Variants in LRMDA observed in about 807,000 individuals in gnomAD.
LRMDA encodes the protein leucine-rich melanocyte differentiation-associated protein.
In LRMDA, 18 loss-of-function variants were observed where a neutral mutation model predicts 29.8. That is an observed-to-expected ratio of 0.60 (90% CI 0.42 to 0.90). LRMDA has a LOEUF of 0.90. Ranked by LOEUF, LRMDA falls within the 40% of genes least tolerant of loss-of-function variation. LRMDA has a pLI of 0.00. For synonymous variants in LRMDA, 125 were observed against 109.4 expected (o/e 1.14, Z -0.89); for missense variants, 273 against 273.9 (o/e 1.00, Z 0.02).
At chr10:76,264,453 A>C (rs889165641) in intron 5 of LRMDA, among the ~76,000 whole-genome samples, 32 of 128,002 alleles carry the variant, frequency 2.5e-4, no homozygotes, top group East Asian at 4.8e-4. Context: ...AAAAAAAAAA[A>C]AAAACACGGA....
At chr10:75,600,650 T>A (rs1840871937) in intron 2 of LRMDA, among the ~76,000 whole-genome samples, 1 of 152,120 alleles carries the variant, frequency 6.6e-6, no homozygotes, top group African/African-American at 2.4e-5. Flanking sequence ...GCAGGGGTAG[T>A]GTGGGGTATA....
In LRMDA at chr10:75,945,568, C is replaced by T. The variant is rs973706145; in HGVS notation, c.132-90440C>T. Among the ~76,000 whole-genome samples the T allele has an allele frequency of 2.0e-5, 3 of 152,238 alleles. 1 individual carries two copies. In the East Asian group the frequency reaches 5.8e-4, roughly 29 times the overall value. On this transcript the variant is annotated intron_variant, in intron 2 of 6. Transcript: ENST00000611255. ...TCTGCTTTTGGTTTCTTTCCGGTACCCACATGTAGTAGTTTTTAGAATATT... is the reference window on the plus strand; with the variant it reads ...TCTGCTTTTGGTTTCTTTCCGGTACTCACATGTAGTAGTTTTTAGAATATT...
At position 76,521,207 on chromosome 10, in the gene LRMDA, C is replaced by T. The variant is rs185109390; in HGVS notation, c.602-36002C>T. Among the ~76,000 whole-genome samples the T allele has an allele frequency of 4.0e-5, 6 of 150,942 alleles. No homozygotes were observed. The East Asian group carries it at 9.8e-4, about 25-fold the overall frequency. On this transcript the variant is annotated intron_variant, in intron 6 of 6. Coordinates refer to ENST00000611255, the MANE Select transcript of LRMDA (RefSeq NM_001305581.2). ...GGAGTGCCGTGGCGCGATCTCGGCT[C>T]ACTGCAAGCTCCACCTCCCGGGTTC...
chr10:76,200,721 T>C (rs890670807), intron 5 of LRMDA, among the ~76,000 whole-genome samples: 8 of 151,274 alleles, frequency 5.3e-5, no homozygotes, highest in Admixed American at 6.6e-5. Flanking sequence ...TTTCTTTTTT[T>C]TTTTTTTCTT....
At position 75,493,348 on chromosome 10, in the gene LRMDA, G is replaced by GTGTGT. The variant is rs1774093324; in HGVS notation, c.131+54854_131+54855insTGTGT. Among the ~76,000 whole-genome samples the GTGTGT allele has an allele frequency of 3.3e-4, 44 of 133,350 alleles. 1 individual carries two copies. The highest frequency in any genetic ancestry group is 2.0e-3 in the East Asian group (9 of 4,508). 87.5% of individuals were successfully genotyped at this position (133,350 alleles called of 152,430 possible). On this transcript the variant is annotated intron_variant, in intron 2 of 6. Transcript: ENST00000611255. Reference sequence around the variant, plus strand: ...AGAGAGCCATAGAGGGTTGAGATTGGGTGTGTGTGTGTGTGTGTGTGTGTG... The same window carrying GTGTGT: ...AGAGAGCCATAGAGGGTTGAGATTGGTGTGTGTGTGTGTGTGTGTGTGTGTGTGTG...
intron 5 of LRMDA, among the ~76,000 whole-genome samples, chr10:76,272,881 T>C (rs1410739185): frequency 1.3e-5 from 2 of 152,142 alleles, no homozygotes; most frequent in Admixed American, 6.6e-5. Flanking sequence ...CATCAACTCT[T>C]ACGAGAACTC....
chr10:75,788,601 T>G (rs1445136781), intron 2 of LRMDA, among the ~76,000 whole-genome samples: 1 of 152,248 alleles, frequency 6.6e-6, no homozygotes, highest in African/African-American at 2.4e-5. Flanking sequence ...AAGCCGATTG[T>G]CTTGAGTTTG....
At chr10:76,187,452 A>G (rs1851169739) in intron 5 of LRMDA, among the ~76,000 whole-genome samples, 1 of 152,184 alleles carries the variant, frequency 6.6e-6, no homozygotes, top group Non-Finnish European at 1.5e-5. Context: ...GGGGAAAAAT[A>G]GTGGAGTCAG....
intron 2 of LRMDA, among the ~76,000 whole-genome samples, chr10:75,549,721 G>A (rs1019796258): frequency 1.1e-4 from 16 of 152,112 alleles, no homozygotes; most frequent in African/African-American, 3.6e-4. Context: ...ATACAGTCAT[G>A]TAACCACCAT....
chr10:76,503,618 G>A (rs1842932699), intron 6 of LRMDA, among the ~76,000 whole-genome samples: 1 of 151,606 alleles, frequency 6.6e-6, no homozygotes, highest in African/African-American at 2.4e-5. Context: ...TGTGCATCAA[G>A]TTGTTCATAA....
intron 6 of LRMDA, among the ~76,000 whole-genome samples, chr10:76,404,332 T>G (rs1841880422): frequency 6.6e-6 from 1 of 152,152 alleles, no homozygotes; most frequent in Non-Finnish European, 1.5e-5. Context: ...CATTTAGCAG[T>G]AATTTTTAAA....
At position 75,584,246 on chromosome 10, in the gene LRMDA, C is replaced by A. The variant is rs1004952965; in HGVS notation, c.131+145752C>A. Among the ~76,000 whole-genome samples, 13 of 152,220 alleles carry A rather than the reference C, an allele frequency of 8.5e-5. No homozygotes were observed. The East Asian group carries it at 9.7e-4, about 11-fold the overall frequency. Reference sequence around the variant, plus strand: ...CTGCCTGCATCTTCACTTGACTGGCCAGTTTCTACTCATTCCTCATGGCAT... The same window carrying A: ...CTGCCTGCATCTTCACTTGACTGGCAAGTTTCTACTCATTCCTCATGGCAT... On this transcript the variant is annotated intron_variant, in intron 2 of 6. Transcript: ENST00000611255.
At chr10:76,548,369 T>A (rs1179089610) in intron 6 of LRMDA, among the ~76,000 whole-genome samples, 1 of 151,100 alleles carries the variant, frequency 6.6e-6, no homozygotes, top group Non-Finnish European at 1.5e-5. Context: ...TCACAGAGAA[T>A]CCTTATAGGA....
At position 75,639,515 on chromosome 10, in the gene LRMDA, A is replaced by G. The variant is rs189164331; in HGVS notation, c.131+201021A>G. Among the ~76,000 whole-genome samples, 27 of 152,266 alleles carry G rather than the reference A, an allele frequency of 1.8e-4. No individual in the cohort carries two copies. The East Asian group carries it at 5.2e-3, about 29-fold the overall frequency. On this transcript the variant is annotated intron_variant, in intron 2 of 6. Transcript: ENST00000611255. ...CTATTATGGCAAATGGGTGAATTTC[A>G]TTAGACTTAGACATGTTGAGTGCTC...
chr10:76,478,175 A>G (rs1442773180), intron 6 of LRMDA, among the ~76,000 whole-genome samples: 8 of 152,180 alleles, frequency 5.3e-5, no homozygotes, highest in Non-Finnish European at 1.2e-4. Context: ...TAATATCCAG[A>G]ATCTACAATG....
At position 75,557,928 on chromosome 10, in the gene LRMDA, G is replaced by A. The variant is rs190283957; in HGVS notation, c.131+119434G>A. On this transcript the variant is annotated intron_variant, in intron 2 of 6. Transcript: ENST00000611255. ...TTCAGACTGATATGAAGGAGGCCTG[G>A]CATGAGTGACTTTACTAAGTTGTGT... Among the ~76,000 whole-genome samples the A allele has an allele frequency of 6.6e-5, 10 of 152,234 alleles. 1 individual carries two copies. The highest frequency in any genetic ancestry group is 2.4e-4 in the African/African-American group (10 of 41,526).
At chr10:76,177,666 T>A (rs1338132169) in intron 5 of LRMDA, among the ~76,000 whole-genome samples, 2 of 152,174 alleles carry the variant, frequency 1.3e-5, no homozygotes, top group African/African-American at 4.8e-5. Context: ...ATTGGCTGGA[T>A]TAGTAACCAT....
chr10:75,488,497 C>T (rs1010441153), intron 2 of LRMDA, among the ~76,000 whole-genome samples: 7 of 152,180 alleles, frequency 4.6e-5, no homozygotes, highest in African/African-American at 7.2e-5. Context: ...TTTTCTCTAG[C>T]TTACCCTTCC....
intron 2 of LRMDA, among the ~76,000 whole-genome samples, chr10:75,452,933 A>G (rs555796020): frequency 6.6e-6 from 1 of 152,318 alleles, no homozygotes; most frequent in East Asian, 1.9e-4. Context: ...AAGCATTTAA[A>G]TTATTTAAAG....
Sources: gnomAD v4.1 joint callset for allele counts (sites outside exome capture counted in the v4.1 genomes callset) on GRCh38, gnomAD v4.1.1 for gene constraint, MANE v1.5 for transcripts, NCBI Gene and HGNC (gene_info 2026-07-23, HGNC 2026-07-21) for gene names.